Variants in AFG1L observed in about 807,000 individuals in gnomAD.
AFG1L encodes AFG1 like ATPase.
Under a neutral mutation model 62.2 loss-of-function variants are expected in AFG1L, and 53 were observed. The ratio of observed to expected loss-of-function variants is 0.85; its 90% CI spans 0.68 to 1.07. AFG1L has a LOEUF of 1.07. Among genes scored for constraint, AFG1L ranks in the 50% least tolerant of loss-of-function variants. AFG1L has a pLI of 0.00. For synonymous variants in AFG1L, 228 were observed against 210.3 expected (o/e 1.08, Z -0.73); for missense variants, 555 against 590.5 (o/e 0.94, Z 0.62).
intron 1 of AFG1L, among the ~76,000 whole-genome samples, chr6:108,303,156 T>C (rs1321003484): frequency 6.6e-6 from 1 of 152,116 alleles, no homozygotes; most frequent in Non-Finnish European, 1.5e-5. Flanking sequence ...AAGTGATCTG[T>C]CTGTCTCAGC....
intron 7 of AFG1L, among the ~76,000 whole-genome samples, chr6:108,414,133 A>T (rs1484094868): frequency 6.6e-6 from 1 of 152,252 alleles, no homozygotes; most frequent in Non-Finnish European, 1.5e-5. Context: ...ATCAGAGAAT[A>T]CTATAGACAC....
intron 7 of AFG1L, among the ~76,000 whole-genome samples, chr6:108,442,243 AAAG>A (rs1217682795): frequency 6.6e-6 from 1 of 151,920 alleles, no homozygotes; most frequent in African/African-American, 2.4e-5. Flanking sequence ...GGAACAAGGG[AAAG>A]AAAGTATTTT....
intron 10 of AFG1L, 75 bp downstream of exon 10, chr6:108,477,367 T>C (rs1773153059): frequency 2.5e-6 from 2 of 791,686 alleles, no homozygotes; most frequent in East Asian, 5.3e-5. Flanking sequence ...TCTCTGCCCA[T>C]TTCAGATTTT....
chr6:108,510,293 G>A lies in AFG1L; in HGVS notation c.1144G>A (p.Ala382Thr). 6.2e-7 allele frequency: 1 copy of A among 1,612,164 alleles called. No individual in the cohort carries two copies. Among genetic ancestry groups the A allele is most frequent in the East Asian group, 2.2e-5 (1 of 44,812 alleles). Residue 382 changes from alanine to threonine, a missense_variant, in exon 11 of 13, where the codon GCA becomes ACA. Coordinates refer to ENST00000368977, the MANE Select transcript of AFG1L (RefSeq NM_145315.5). ...FLRNIPQFTLANRTQGRRFIT... is the reference protein window; with the variant it reads ...FLRNIPQFTLTNRTQGRRFIT... ...ACGAAACATTCCGCAATTTACTCTG[G>A]CAAACAGGACTCAAGGTCGAAGATT...
intron 2 of AFG1L, among the ~76,000 whole-genome samples, chr6:108,336,089 T>C (rs982771881): frequency 6.6e-6 from 1 of 152,242 alleles, no homozygotes; most frequent in South Asian, 2.1e-4. Context: ...TTATGGGTGC[T>C]AATATATAGT....
chr6:108,317,682 A>C (rs1247517910), intron 1 of AFG1L, among the ~76,000 whole-genome samples: 2 of 152,166 alleles, frequency 1.3e-5, no homozygotes, highest in East Asian at 3.8e-4. Flanking sequence ...TAGTCTTACA[A>C]AGGTGGCTTT....
At chr6:108,417,101 G>A (rs1770332281) in intron 7 of AFG1L, among the ~76,000 whole-genome samples, 1 of 151,640 alleles carries the variant, frequency 6.6e-6, no homozygotes. Flanking sequence ...AGGCATGGTG[G>A]TGCATGCCTG....
intron 6 of AFG1L, among the ~76,000 whole-genome samples, chr6:108,375,316 T>C (rs1032165317): frequency 6.6e-6 from 1 of 152,188 alleles, no homozygotes; most frequent in Non-Finnish European, 1.5e-5. Context: ...TGGATTCCTT[T>C]TATTTCTTCC....
intron 8 of AFG1L, among the ~76,000 whole-genome samples, chr6:108,458,477 T>C (rs1398393158): frequency 6.6e-6 from 1 of 152,120 alleles, no homozygotes; most frequent in Non-Finnish European, 1.5e-5. Context: ...TGGGTTTCTT[T>C]CCCTTTTCTT....
chr6:108,505,396 T>A (rs1252345320), intron 10 of AFG1L, among the ~76,000 whole-genome samples: 5 of 152,148 alleles, frequency 3.3e-5, no homozygotes, highest in Admixed American at 2.6e-4. Context: ...CCAGCCAGAT[T>A]TTTTTCTATA....
intron 3 of AFG1L, 111 bp downstream of exon 3, chr6:108,347,150 ATGAGGCAGGG>A (rs1778894544): frequency 1.1e-6 from 1 of 922,158 alleles, no homozygotes; most frequent in African/African-American, 1.7e-5. Context: ...AGGGAATAGG[ATGAGGCAGGG>A]TAAGGTAGGG....
At position 108,356,839 on chromosome 6, in the gene AFG1L, A is replaced by G. The variant is rs370268688; in HGVS notation, c.648+19A>G. 6.9e-6 allele frequency: 11 copies of G among 1,597,748 alleles called. No homozygotes were observed. Among genetic ancestry groups the G allele is most frequent in the Non-Finnish European group, 9.4e-6 (11 of 1,170,526 alleles). On this transcript the variant is annotated intron_variant, in intron 5 of 12. Transcript: ENST00000368977. ...ATTTCAGGTAAAGTAGAGATTTTTCATAGATATAGAATGGTATATTGAATG... is the reference window on the plus strand; with the variant it reads ...ATTTCAGGTAAAGTAGAGATTTTTCGTAGATATAGAATGGTATATTGAATG...
At chr6:108,435,466 G>A (rs1185686459) in intron 7 of AFG1L, among the ~76,000 whole-genome samples, 3 of 152,178 alleles carry the variant, frequency 2.0e-5, no homozygotes, top group South Asian at 4.1e-4. Flanking sequence ...TGGAAGGATC[G>A]CTTGAGGCCA....
At chr6:108,425,642 G>A (rs1475001334) in intron 7 of AFG1L, among the ~76,000 whole-genome samples, 1 of 152,076 alleles carries the variant, frequency 6.6e-6, no homozygotes, top group African/African-American at 2.4e-5. Flanking sequence ...GTGTGTGTAT[G>A]TGTATGTATG....
chr6:108,386,054 A>G (rs559331128), intron 6 of AFG1L, among the ~76,000 whole-genome samples: 1 of 152,348 alleles, frequency 6.6e-6, no homozygotes, highest in South Asian at 2.1e-4. Context: ...TTGAGGCTGC[A>G]GTGAGCTATA....
intron 10 of AFG1L, among the ~76,000 whole-genome samples, chr6:108,507,109 C>T (rs1350011610): frequency 1.3e-5 from 2 of 152,096 alleles, no homozygotes; most frequent in South Asian, 2.1e-4. Context: ...TGCTATCTCT[C>T]GTGGCCTAAA....
chr6:108,357,621 A>G (rs1779342766), intron 5 of AFG1L, among the ~76,000 whole-genome samples: 1 of 152,268 alleles, frequency 6.6e-6, no homozygotes, highest in South Asian at 2.1e-4. Context: ...AAAGTGTTAT[A>G]TAAAGAACAA....
At position 108,519,889 on chromosome 6, in the gene AFG1L, A is replaced by G. The variant is rs1288230284; in HGVS notation, c.1317+79A>G. 2.2e-5 allele frequency: 18 copies of G among 830,612 alleles called. No homozygotes were observed. In the East Asian group the frequency reaches 4.5e-4, roughly 21 times the overall value. The allele number at this position is 830,612 out of a possible 1,614,324, so 51.5% of individuals were successfully genotyped here. A position where few individuals can be genotyped will look rare whatever the true frequency, so the allele number is the denominator to read the frequency against. On this transcript the variant is annotated intron_variant, in intron 12 of 12. Transcript: ENST00000368977. Reference sequence around the variant, plus strand: ...GGTTTGATGCATGGCTACATTTTGAAGAAGAAATGCAGTGTATAGTTAACC... The same window carrying G: ...GGTTTGATGCATGGCTACATTTTGAGGAAGAAATGCAGTGTATAGTTAACC...
chr6:108,433,760 T>C (rs1162335202), intron 7 of AFG1L, among the ~76,000 whole-genome samples: 1 of 151,710 alleles, frequency 6.6e-6, no homozygotes, highest in Non-Finnish European at 1.5e-5. Context: ...GTCTGGCTAA[T>C]TTTTGTATTT....
Sources: gnomAD v4.1 joint callset for allele counts (sites outside exome capture counted in the v4.1 genomes callset) on GRCh38, gnomAD v4.1.1 for gene constraint, MANE v1.5 for transcripts, NCBI Gene and HGNC (gene_info 2026-07-23, HGNC 2026-07-21) for gene names.